Variants in CDR2L observed in about 807,000 individuals in gnomAD.
The protein encoded by CDR2L is cerebellar degeneration related protein 2 like, also known as cerebellar degeneration-related protein 2-like.
Under a neutral mutation model 36.1 loss-of-function variants are expected in CDR2L, and 19 were observed. The observed-to-expected ratio is 0.53, with a 90% CI of 0.37 to 0.77. The LOEUF is 0.77. CDR2L is among the 30% of genes least tolerant of loss of function. The probability of loss-of-function intolerance (pLI) is 0.00; values close to 1 mark genes in which losing one functional copy is unlikely to be tolerated. For synonymous variants in CDR2L, 285 were observed against 280.4 expected (o/e 1.02, Z -0.16); for missense variants, 575 against 627.2 (o/e 0.92, Z 0.89).
intron 1 of CDR2L, among the ~76,000 whole-genome samples, chr17:74,990,711 G>C (rs973663499): frequency 6.6e-6 from 1 of 152,344 alleles, no homozygotes; most frequent in South Asian, 2.1e-4. Context: ...CATCAGACAC[G>C]GGTTCTGTGG....
chr17:74,995,404 C>T (rs2039818981), intron 1 of CDR2L, among the ~76,000 whole-genome samples: 1 of 152,140 alleles, frequency 6.6e-6, no homozygotes, highest in African/African-American at 2.4e-5. Flanking sequence ...CTAAAGCAAT[C>T]CTCCCACCTC....
chr17:74,999,435 A>C, intron 1 of CDR2L, 69 bp from the exon 2 acceptor site: 1 of 1,066,662 alleles, frequency 9.4e-7, no homozygotes. Flanking sequence ...GGTCACCTAG[A>C]GTAGATGCTC....
Position 74,987,991 on chromosome 17 carries a change from C to G in CDR2L, c.-53C>G. 1 of 1,129,980 alleles carries G rather than the reference C, an allele frequency of 8.8e-7. No individual in the cohort carries two copies. The highest frequency in any genetic ancestry group is 1.2e-6 in the Non-Finnish European group (1 of 854,958). 70.0% of individuals were successfully genotyped at this position (1,129,980 alleles called of 1,614,324 possible). A position where few individuals can be genotyped will look rare whatever the true frequency, so the allele number is the denominator to read the frequency against. The stretch of plus-strand genomic sequence containing the variant: ...CTCAGCCGCATTGTCCCGGGCCGCG[C>G]GCACCGGCCCTGAGCTGCGCCGCCG... On this transcript the variant is annotated 5_prime_UTR_variant, in exon 1 of 5. Transcript: ENST00000337231.
intron 1 of CDR2L, among the ~76,000 whole-genome samples, chr17:74,997,068 C>CTTTTTTTTTTTTTT (rs1567974301): frequency 2.0e-4 from 1 of 5,116 alleles, no homozygotes. Context: ...TTCTTTCTTT[C>CTTTTTTTTTTTTTT]TTTCTTTCTT....
At chr17:74,991,514 G>A (rs1267115886) in intron 1 of CDR2L, among the ~76,000 whole-genome samples, 2 of 151,090 alleles carry the variant, frequency 1.3e-5, no homozygotes, top group Non-Finnish European at 2.9e-5. Context: ...TCAGGAGATC[G>A]AAACCATCCT....
At chr17:75,000,454 A>G (rs2039858397) in intron 2 of CDR2L, among the ~76,000 whole-genome samples, 1 of 149,042 alleles carries the variant, frequency 6.7e-6, no homozygotes, top group Non-Finnish European at 1.5e-5. Flanking sequence ...CCACCACCGC[A>G]CCCGGTTAAT....
In CDR2L at chr17:75,004,291, C is replaced by T. The variant is rs576662365; in HGVS notation, c.*217C>T. ...TGGCCACCTCGCGCCAGCCCAAAGGCGCAGCTCTGAGTTCAAAGCCAAATG... is the reference window on the plus strand; with the variant it reads ...TGGCCACCTCGCGCCAGCCCAAAGGTGCAGCTCTGAGTTCAAAGCCAAATG... On this transcript the variant is annotated 3_prime_UTR_variant, in exon 5 of 5. Transcript: ENST00000337231. 1.5e-4 allele frequency: 83 copies of T among 537,706 alleles called. No homozygotes were observed. The South Asian group carries it at 1.8e-3, about 12-fold the overall frequency. The allele number at this position is 537,706 out of a possible 1,614,324, so 33.3% of individuals were successfully genotyped here.
At position 75,002,432 on chromosome 17, in the gene CDR2L, T is replaced by G. The variant is rs184363815; in HGVS notation, c.506+204T>G. ...TGATATAATTCTTATTGCAACACTG[T>G]TGGGGGTGTTTTATTATGCCTACTC... On this transcript the variant is annotated intron_variant, in intron 4 of 4. Coordinates refer to ENST00000337231, the MANE Select transcript of CDR2L (RefSeq NM_014603.3). The surrounding 1 kb of genome is among the most constrained non-coding windows in gnomAD (Gnocchi z 4.1). Among the ~76,000 whole-genome samples, 39 of 152,280 alleles carry G rather than the reference T, an allele frequency of 2.6e-4. No homozygotes were observed. Among genetic ancestry groups the G allele is most frequent in the African/African-American group, 8.9e-4 (37 of 41,554 alleles).
chr17:74,988,273 G>A (rs1156791317), intron 1 of CDR2L, among the ~76,000 whole-genome samples, 151 bp downstream of exon 1: 1 of 152,160 alleles, frequency 6.6e-6, no homozygotes, highest in African/African-American at 2.4e-5. Context: ...GAACCGGGAC[G>A]TGGAGAGAGG....
chr17:74,988,281 A>AG (rs555802831), intron 1 of CDR2L, among the ~76,000 whole-genome samples, 159 bp downstream of exon 1: 2 of 151,882 alleles, frequency 1.3e-5, no homozygotes, highest in African/African-American at 4.8e-5. Context: ...ACGTGGAGAG[A>AG]GGGGGCGCTG....
chr17:74,989,410 A>AACACACACACACACACACACACAC lies in CDR2L; in HGVS notation c.79+1302_79+1325dup, dbSNP rs61110164. Among the ~76,000 whole-genome samples the AACACACACACACACACACACACAC allele has an allele frequency of 5.7e-4, 75 of 130,756 alleles. 1 individual carries two copies. The highest frequency in any genetic ancestry group is 2.1e-3 in the African/African-American group (69 of 33,388). 85.8% of individuals were successfully genotyped at this position (130,756 alleles called of 152,430 possible). A position where few individuals can be genotyped will look rare whatever the true frequency, so the allele number is the denominator to read the frequency against. On this transcript the variant is annotated intron_variant, in intron 1 of 4. Coordinates refer to ENST00000337231, the MANE Select transcript of CDR2L (RefSeq NM_014603.3). The surrounding 1 kb of genome is among the most constrained non-coding windows in gnomAD (Gnocchi z 4.2). ...CTGAAATGAGATACAGCTCCTCTCA[A>AACACACACACACACACACACACAC]ACACACACACACACACACACACACA...
chr17:74,997,032 T>TTTCTTTC (rs2039830292), intron 1 of CDR2L, among the ~76,000 whole-genome samples: 1 of 137,512 alleles, frequency 7.3e-6, no homozygotes, highest in African/African-American at 2.8e-5. Context: ...CTATTCACCC[T>TTTCTTTC]TTTCTTTCTT....
intron 1 of CDR2L, among the ~76,000 whole-genome samples, chr17:74,990,415 G>A (rs2039789481): frequency 6.6e-6 from 1 of 152,210 alleles, no homozygotes; most frequent in Admixed American, 6.5e-5. Context: ...CAGGTACTGT[G>A]CTGAGCCTGA....
chr17:75,004,174 C>A lies in CDR2L; in HGVS notation c.*100C>A. 2 of 1,040,776 alleles carry A rather than the reference C, an allele frequency of 1.9e-6. No homozygotes were observed. The highest frequency in any genetic ancestry group is 1.4e-6 in the Non-Finnish European group (1 of 727,280). The allele number at this position is 1,040,776 out of a possible 1,614,324, so 64.5% of individuals were successfully genotyped here. A position where few individuals can be genotyped will look rare whatever the true frequency, so the allele number is the denominator to read the frequency against. The stretch of plus-strand genomic sequence containing the variant: ...AGAGCGAGCGCCCTTTAGCGGCCTG[C>A]CACCACAGCACGCGGCCTCCTGATC... On this transcript the variant is annotated 3_prime_UTR_variant, in exon 5 of 5. Transcript: ENST00000337231.
In CDR2L at chr17:74,989,437, A is replaced by ACACACACACACACACACACACC. The variant is rs2039783367; in HGVS notation, c.79+1325_79+1326insCACACACACACCCACACACACA. Reference sequence around the variant, plus strand: ...CACACACACACACACACACACACACACACACACACATCCACACATTGTGAC... The same window carrying ACACACACACACACACACACACC: ...CACACACACACACACACACACACACACACACACACACACACACACACCCACACACACATCCACACATTGTGAC... On this transcript the variant is annotated intron_variant, in intron 1 of 4. Transcript: ENST00000337231. This position sits in a 1 kb window ranked among gnomAD's most constrained non-coding sequence, Gnocchi z 4.2. Among the ~76,000 whole-genome samples the ACACACACACACACACACACACC allele has an allele frequency of 6.6e-6, 1 of 151,412 alleles. No individual in the cohort carries two copies. Among genetic ancestry groups the ACACACACACACACACACACACC allele is most frequent in the African/African-American group, 2.4e-5 (1 of 41,146 alleles).
Position 75,003,220 on chromosome 17 carries a change from G to C in CDR2L, c.544G>C (p.Glu182Gln), listed in dbSNP as rs768447267. 17 of 1,566,832 alleles carry C rather than the reference G, an allele frequency of 1.1e-5. No homozygotes were observed. Among genetic ancestry groups the C allele is most frequent in the Non-Finnish European group, 1.7e-6 (2 of 1,156,904 alleles). Residue 182 changes from glutamate (E) to glutamine (Q), a missense_variant, in exon 5 of 5, where the codon GAG (glutamate) becomes CAG (glutamine). Physicochemically the swap from Glu to Gln is conservative, Grantham distance 29. Transcript: ENST00000337231. ...TTTCCGCCTACACAGTTCCTCCCTG[G>C]AGCTGGGCCCGCGGCCCCTGGAGCA... ...DAFRLHSSSLELGPRPLEQEN... is the reference protein window; with the variant it reads ...DAFRLHSSSLQLGPRPLEQEN...
chr17:74,997,376 C>T lies in CDR2L; in HGVS notation c.80-2128C>T, dbSNP rs1598654736. 2.6e-5 allele frequency among the ~76,000 whole-genome samples: 4 copies of T among 152,228 alleles called. No individual in the cohort carries two copies. In the South Asian group the frequency reaches 8.3e-4, roughly 32 times the overall value. ...TTACGGCGTGAGCCACCGCACCCAG[C>T]CTCCTATCCACCCTTCAAAGTCCAA... On this transcript the variant is annotated intron_variant, in intron 1 of 4. Coordinates refer to ENST00000337231, the MANE Select transcript of CDR2L (RefSeq NM_014603.3).
Position 75,003,617 on chromosome 17 carries a change from G to A in CDR2L, c.941G>A (p.Arg314His), listed in dbSNP as rs751398236. The A allele has an allele frequency of 4.7e-6, 7 of 1,480,300 alleles. No homozygotes were observed. The highest frequency in any genetic ancestry group is 2.5e-5 in the East Asian group (1 of 40,398). 91.7% of individuals were successfully genotyped at this position (1,480,300 alleles called of 1,614,324 possible). A position where few individuals can be genotyped will look rare whatever the true frequency, so the allele number is the denominator to read the frequency against. Reference sequence around the variant, plus strand: ...GCAGCCTCTCCAGGCCACGTGGTGCGCAAGAGCTGCAGCGACACTGCGCTC... The same window carrying A: ...GCAGCCTCTCCAGGCCACGTGGTGCACAAGAGCTGCAGCGACACTGCGCTC... ...SPAASPGHVV[R>H]KSCSDTALNA... Residue 314 changes from arginine to histidine, a missense_variant, in exon 5 of 5, where the codon CGC becomes CAC. Coordinates refer to ENST00000337231, the MANE Select transcript of CDR2L (RefSeq NM_014603.3).
chr17:74,988,058 C>T lies in CDR2L; in HGVS notation c.15C>T (p.Ala5=). ...CCCGCGGGGCCATGCGGAGAGCCGC[C>T]GGGATGGAGGACTTCTCCGCGGAGG... MRRA[A]GMEDFSAEEE... The change falls in exon 1 of 5, where the codon GCC becomes GCT. Residue 5 remains alanine (A), a synonymous_variant. Coordinates refer to ENST00000337231, the MANE Select transcript of CDR2L (RefSeq NM_014603.3). 5 of 1,525,480 alleles carry T rather than the reference C, an allele frequency of 3.3e-6. No homozygotes were observed. Among genetic ancestry groups the T allele is most frequent in the Non-Finnish European group, 4.4e-6 (5 of 1,137,918 alleles). 94.5% of individuals were successfully genotyped at this position (1,525,480 alleles called of 1,614,324 possible). A position where few individuals can be genotyped will look rare whatever the true frequency, so the allele number is the denominator to read the frequency against.
Sources: allele counts gnomAD v4.1 joint callset (sites outside exome capture counted in the v4.1 genomes callset), GRCh38; gene constraint gnomAD v4.1.1; non-coding constraint Gnocchi (gnomAD v3.1); transcripts MANE v1.5; gene names NCBI Gene and HGNC (gene_info 2026-07-23, HGNC 2026-07-21).